NR3C1: variants seen among roughly 807,000 people sequenced by gnomAD.
The protein encoded by NR3C1 is glucocorticoid receptor.
A neutral mutation model predicts 74.0 loss-of-function variants in NR3C1; 14 were observed. That is an observed-to-expected ratio of 0.19 (90% CI 0.12 to 0.30). NR3C1 has a LOEUF of 0.30. Ranked by LOEUF, NR3C1 falls within the 10% of genes least tolerant of loss-of-function variation. The probability of loss-of-function intolerance (pLI) is 1.00; values close to 1 mark genes in which losing one functional copy is unlikely to be tolerated. For synonymous variants in NR3C1, 308 were observed against 332.5 expected, an observed-to-expected ratio of 0.93 and a Z score of 0.80; for missense variants, 695 against 909.8, an observed-to-expected ratio of 0.76 and a Z score of 3.04.
rs116897069 is a variant in NR3C1, at chr5:143,295,074, A to G, written c.2023+386T>C. On this transcript the variant is annotated intron_variant, in intron 7 of 8. Transcript: ENST00000394464. ...CTTTTTCTCCCATAATTTCTCATAC[A>G]TGCTAATACTCATTAGGAAACTAAA... 1.6e-4 allele frequency: 153 copies of G among 985,432 alleles called. 2 individuals are homozygous for G. The East Asian group carries it at 0.016, about 102-fold the overall frequency. The allele number at this position is 985,432 out of a possible 1,614,324, so 61.0% of individuals were successfully genotyped here.
At chr5:143,400,943 T>TC in intron 1 of NR3C1, 91 bp from the exon 2 acceptor site, 2 of 934,192 alleles carry the variant, frequency 2.1e-6, no homozygotes. Context: ...GGCAGCTTGT[T>TC]AAATGAACCT....
chr5:143,394,199 G>C (rs964750127), intron 2 of NR3C1, among the ~76,000 whole-genome samples: 1 of 151,976 alleles, frequency 6.6e-6, no homozygotes, highest in Non-Finnish European at 1.5e-5. Flanking sequence ...GGGTTACTCT[G>C]AAAAAGCATG....
At position 143,362,187 on chromosome 5, in the gene NR3C1, AAAC is replaced by A. The variant is rs550538984; in HGVS notation, c.1184+37466_1184+37468del. 6.6e-5 allele frequency among the ~76,000 whole-genome samples: 10 copies of A among 152,236 alleles called. No individual in the cohort carries two copies. The South Asian group carries it at 2.1e-3, about 32-fold the overall frequency. ...CCAGGGAATTTTTACTGAAAAACAA[AAAC>A]AACCCTCTTCCCCAGCTTATTCTTG... On this transcript the variant is annotated intron_variant, in intron 2 of 8. Coordinates refer to ENST00000394464, the MANE Select transcript of NR3C1 (RefSeq NM_000176.3).
intron 7 of NR3C1, among the ~76,000 whole-genome samples, chr5:143,289,089 A>AG (rs1402054172): frequency 6.6e-6 from 1 of 151,864 alleles, no homozygotes; most frequent in Non-Finnish European, 1.5e-5. Context: ...AAAAAAAAAA[A>AG]AGGAAGTGGA....
At chr5:143,306,647 T>C (rs1037439683) in intron 4 of NR3C1, among the ~76,000 whole-genome samples, 1 of 152,144 alleles carries the variant, frequency 6.6e-6, no homozygotes, top group Non-Finnish European at 1.5e-5. Context: ...TCTTCCACTA[T>C]GTAGTATAAA....
chr5:143,300,886 CA>C lies in NR3C1; in HGVS notation c.1469-124del. On this transcript the variant is annotated intron_variant, in intron 4 of 8. Coordinates refer to ENST00000394464, the MANE Select transcript of NR3C1 (RefSeq NM_000176.3). The surrounding 1 kb of genome is among the most constrained non-coding windows in gnomAD (Gnocchi z 5.2). ...AAGATGGGAGAAATATTTTATTTAG[CA>C]ATTATGATAAAGTGACATGGAAAAG... 9.5e-7 allele frequency: 1 copy of C among 1,056,436 alleles called. No homozygotes were observed. The allele number at this position is 1,056,436 out of a possible 1,614,324, so 65.4% of individuals were successfully genotyped here. A position where few individuals can be genotyped will look rare whatever the true frequency, so the allele number is the denominator to read the frequency against.
At chr5:143,426,787 G>A (rs1751551552) in intron 1 of NR3C1, among the ~76,000 whole-genome samples, 1 of 152,212 alleles carries the variant, frequency 6.6e-6, no homozygotes, top group African/African-American at 2.4e-5. Context: ...ACGAATTCTT[G>A]TGATGCACAG....
rs372797429 is a variant in NR3C1 at position 143,390,227 on chromosome 5, G to A, written c.1184+9429C>T. 5.3e-5 allele frequency among the ~76,000 whole-genome samples: 8 copies of A among 152,062 alleles called. No homozygotes were observed. In the South Asian group the frequency reaches 1.2e-3, roughly 24 times the overall value. On this transcript the variant is annotated intron_variant, in intron 2 of 8. Transcript: ENST00000394464. ...GTTTTTAAAAGTACTATCAGTAATC[G>A]CAGAGGTTTTTTTCAGGTTGTGAGG...
chr5:143,356,526 A>G (rs1056022588), intron 2 of NR3C1, among the ~76,000 whole-genome samples: 1 of 152,006 alleles, frequency 6.6e-6, no homozygotes, highest in Non-Finnish European at 1.5e-5. Flanking sequence ...CTTTCTTTGG[A>G]CCCTCAGAGC....
At position 143,305,980 on chromosome 5, in the gene NR3C1, C is replaced by T. The variant is rs13358709; in HGVS notation, c.1468+4117G>A. On this transcript the variant is annotated intron_variant, in intron 4 of 8. Coordinates refer to ENST00000394464, the MANE Select transcript of NR3C1 (RefSeq NM_000176.3). ...TTTGGTTATAAATCTGACAATGCCA[C>T]AAGACTAAGCTTCATTTGACTGTTT... 5.5e-3 allele frequency among the ~76,000 whole-genome samples: 831 copies of T among 152,130 alleles called. 5 individuals are homozygous for T. The highest frequency in any genetic ancestry group is 0.022 in the East Asian group (114 of 5,186).
chr5:143,354,426 A>C (rs889318884), intron 2 of NR3C1, among the ~76,000 whole-genome samples: 7 of 152,156 alleles, frequency 4.6e-5, no homozygotes, highest in Non-Finnish European at 1.0e-4. Flanking sequence ...AAAGTGAGAG[A>C]CATGCAACTC....
At chr5:143,422,825 A>G (rs1480607845) in intron 1 of NR3C1, among the ~76,000 whole-genome samples, 1 of 152,206 alleles carries the variant, frequency 6.6e-6, no homozygotes, top group Non-Finnish European at 1.5e-5. Context: ...TGCTTATCTC[A>G]TAAGGTTGTA....
At chr5:143,352,860 G>C (rs1313875928) in intron 2 of NR3C1, among the ~76,000 whole-genome samples, 1 of 152,100 alleles carries the variant, frequency 6.6e-6, no homozygotes. Context: ...GCTGAAGGTG[G>C]GGTGGCTGTG....
chr5:143,393,551 T>A (rs1838670376), intron 2 of NR3C1, among the ~76,000 whole-genome samples: 3 of 152,128 alleles, frequency 2.0e-5, no homozygotes, highest in South Asian at 4.1e-4. Context: ...GTTAAAAAAA[T>A]AAAAAAGCAA....
At chr5:143,340,144 G>A (rs1699909258) in intron 2 of NR3C1, among the ~76,000 whole-genome samples, 1 of 152,202 alleles carries the variant, frequency 6.6e-6, no homozygotes, top group African/African-American at 2.4e-5. Flanking sequence ...ATGTGCAAGA[G>A]CTTTACAGGA....
At chr5:143,310,346 C>T in intron 3 of NR3C1, 133 bp from the exon 4 acceptor site, 1 of 697,626 alleles carries the variant, frequency 1.4e-6, no homozygotes, top group East Asian at 2.7e-5. Flanking sequence ...AATGTTCTTG[C>T]CTACATTGCC....
intron 2 of NR3C1, among the ~76,000 whole-genome samples, chr5:143,366,334 C>A (rs1037853300): frequency 6.6e-6 from 1 of 152,006 alleles, no homozygotes; most frequent in African/African-American, 2.4e-5. Flanking sequence ...CATGGTGAAA[C>A]CCCGTCTCTA....
intron 2 of NR3C1, chr5:143,332,773 G>A (rs1276696629): frequency 2.0e-5 from 32 of 1,582,210 alleles, no homozygotes; most frequent in Admixed American, 6.7e-5. Flanking sequence ...TTTGTTGTAC[G>A]CATCGAAAGG....
intron 2 of NR3C1, among the ~76,000 whole-genome samples, chr5:143,338,161 AT>A (rs199519604): frequency 0.13 from 19,614 of 152,182 alleles, 1,452 homozygotes; most frequent in Middle Eastern, 0.28. Flanking sequence ...ATACAACACC[AT>A]GCTTATGTTT....
Sources: allele counts gnomAD v4.1 joint callset (sites outside exome capture counted in the v4.1 genomes callset), GRCh38; gene constraint gnomAD v4.1.1; non-coding constraint Gnocchi (gnomAD v3.1); transcripts MANE v1.5; gene names NCBI Gene and HGNC (gene_info 2026-07-23, HGNC 2026-07-21).